Variants in GNAT3 observed in about 807,000 individuals in gnomAD.
The protein encoded by GNAT3 is G protein subunit alpha transducin 3, also known as guanine nucleotide-binding protein G(t) subunit alpha-3.
GNAT3 carries 31 observed loss-of-function variants against 37.7 expected under a neutral mutation model. The observed-to-expected ratio is 0.82, with a 90% confidence interval of 0.62 to 1.11. The LOEUF is 1.11. Ranked by LOEUF, GNAT3 falls within the 50% of genes most tolerant of loss-of-function variation. The pLI is 0.00. For missense variants in GNAT3, 437 were observed against 412.5 expected (o/e 1.06, Z -0.51); for synonymous variants, 138 against 139.8 (o/e 0.99, Z 0.09).
At chr7:80,471,775 G>A (rs779030765) in intron 5 of GNAT3, among the ~76,000 whole-genome samples, 6 of 152,056 alleles carry the variant, frequency 3.9e-5, no homozygotes, top group African/African-American at 1.2e-4. Flanking sequence ...TAGCACTTCC[G>A]TGAAAGACCT....
chr7:80,511,184 A>C (rs1791058622), intron 1 of GNAT3, among the ~76,000 whole-genome samples: 1 of 152,186 alleles, frequency 6.6e-6, no homozygotes, highest in South Asian at 2.1e-4. Flanking sequence ...AAGGAAAAAA[A>C]AATAAAAGAG....
intron 3 of GNAT3, among the ~76,000 whole-genome samples, chr7:80,479,377 CT>C (rs959870086): frequency 1.3e-5 from 2 of 151,692 alleles, no homozygotes; most frequent in African/African-American, 4.8e-5. Flanking sequence ...GTATCTTCTT[CT>C]TTTTTTAATC....
intron 1 of GNAT3, among the ~76,000 whole-genome samples, chr7:80,502,322 C>T (rs1441034957): frequency 3.9e-5 from 6 of 151,986 alleles, no homozygotes; most frequent in Admixed American, 3.9e-4. Context: ...TATGAGCTTT[C>T]TTGGATTGTG....
intron 5 of GNAT3, among the ~76,000 whole-genome samples, chr7:80,466,091 G>T (rs1309176912): frequency 6.6e-6 from 1 of 151,988 alleles, no homozygotes; most frequent in African/African-American, 2.4e-5. Flanking sequence ...CCACCTCAGG[G>T]GGGGAAAATA....
intron 1 of GNAT3, among the ~76,000 whole-genome samples, chr7:80,508,886 C>G (rs988714989): frequency 6.6e-6 from 1 of 151,868 alleles, no homozygotes; most frequent in Non-Finnish European, 1.5e-5. Flanking sequence ...AGATGAAGAT[C>G]AACATACTGA....
rs1791075019 is a variant in GNAT3 at position 80,511,931 on chromosome 7, T to A, written c.-5A>T. ...TGAACTAATTCCACTTCCCATCTTG[T>A]GGTGGTAGATACTTGTCAGTTTATA... On this transcript the variant is annotated 5_prime_UTR_variant, in exon 1 of 8. Transcript: ENST00000398291. The A allele has an allele frequency of 6.3e-7, 1 of 1,584,500 alleles. No individual in the cohort carries two copies. The highest frequency in any genetic ancestry group is 2.2e-5 in the East Asian group (1 of 44,706).
intron 1 of GNAT3, among the ~76,000 whole-genome samples, chr7:80,502,155 AAAC>A (rs1790844948): frequency 1.3e-5 from 2 of 152,046 alleles, no homozygotes; most frequent in African/African-American, 4.8e-5. Flanking sequence ...AGAGGACAGG[AAAC>A]AACTTTTATA....
chr7:80,467,542 T>G (rs1251585409), intron 5 of GNAT3, among the ~76,000 whole-genome samples: 1 of 152,106 alleles, frequency 6.6e-6, no homozygotes, highest in African/African-American at 2.4e-5. Context: ...TTCATACTTT[T>G]CAGTTTTAGC....
chr7:80,500,111 C>T (rs1247199785), intron 1 of GNAT3, among the ~76,000 whole-genome samples: 2 of 152,062 alleles, frequency 1.3e-5, no homozygotes, highest in African/African-American at 4.8e-5. Context: ...GAAAATTATG[C>T]TGTAGATACC....
At chr7:80,482,810 C>T (rs956856125) in intron 3 of GNAT3, among the ~76,000 whole-genome samples, 34 of 151,116 alleles carry the variant, frequency 2.2e-4, no homozygotes, top group African/African-American at 7.5e-4. Context: ...GGATTACAGG[C>T]GTGAACCACC....
intron 5 of GNAT3, among the ~76,000 whole-genome samples, chr7:80,470,765 G>A (rs1302840226): frequency 6.6e-6 from 1 of 152,044 alleles, no homozygotes; most frequent in Non-Finnish European, 1.5e-5. Context: ...GGGTCTGGAG[G>A]TCTAAACTGA....
intron 5 of GNAT3, among the ~76,000 whole-genome samples, chr7:80,469,764 G>T (rs1790179235): frequency 6.6e-6 from 1 of 151,970 alleles, no homozygotes; most frequent in Non-Finnish European, 1.5e-5. Flanking sequence ...AAGTTGGAAG[G>T]TACATTATTT....
intron 3 of GNAT3, among the ~76,000 whole-genome samples, chr7:80,486,267 G>A (rs181818536): frequency 2.0e-5 from 3 of 152,260 alleles, no homozygotes; most frequent in Admixed American, 1.3e-4. Flanking sequence ...GTACTCTTGA[G>A]AAGTTATGAC....
At chr7:80,493,033 T>C (rs1790623046) in intron 2 of GNAT3, among the ~76,000 whole-genome samples, 1 of 151,916 alleles carries the variant, frequency 6.6e-6, no homozygotes, top group African/African-American at 2.4e-5. Context: ...TGGGCCTTTA[T>C]ATACTAGTCA....
At chr7:80,471,179 G>C (rs1266853832) in intron 5 of GNAT3, among the ~76,000 whole-genome samples, 3 of 150,326 alleles carry the variant, frequency 2.0e-5, no homozygotes, top group Admixed American at 1.3e-4. Context: ...GGGAGGCTAG[G>C]CCAGTCTGTC....
At chr7:80,492,605 T>C (rs1790615491) in intron 2 of GNAT3, among the ~76,000 whole-genome samples, 1 of 151,710 alleles carries the variant, frequency 6.6e-6, no homozygotes, top group Admixed American at 6.6e-5. Flanking sequence ...TCTTAAATAG[T>C]GATATAAGCC....
intron 5 of GNAT3, among the ~76,000 whole-genome samples, chr7:80,470,449 G>C (rs906540677): frequency 1.3e-5 from 2 of 152,154 alleles, no homozygotes; most frequent in African/African-American, 4.8e-5. Flanking sequence ...CTGAACTCCT[G>C]ACCTCAAGTA....
intron 3 of GNAT3, among the ~76,000 whole-genome samples, chr7:80,484,831 T>C (rs146475202): frequency 1.3e-5 from 2 of 152,120 alleles, no homozygotes; most frequent in East Asian, 3.9e-4. Flanking sequence ...TAACTACATA[T>C]CCCATCTCTC....
At chr7:80,469,053 A>G (rs2116151306) in intron 5 of GNAT3, among the ~76,000 whole-genome samples, 1 of 152,230 alleles carries the variant, frequency 6.6e-6, no homozygotes, top group East Asian at 1.9e-4. Flanking sequence ...AAGACTAGGA[A>G]AGCCAAATTG....
Sources: allele counts gnomAD v4.1 joint callset (sites outside exome capture counted in the v4.1 genomes callset), GRCh38; gene constraint gnomAD v4.1.1; transcripts MANE v1.5; gene names NCBI Gene and HGNC (gene_info 2026-07-23, HGNC 2026-07-21).